Variants in CSNK2A1 observed in about 807,000 individuals in gnomAD.
CSNK2A1 encodes the protein casein kinase II subunit alpha.
A neutral mutation model predicts 62.9 loss-of-function variants in CSNK2A1; 10 were observed. The ratio of observed to expected loss-of-function variants is 0.16; its 90% CI spans 0.10 to 0.27. The LOEUF is 0.27. CSNK2A1 is among the 10% of genes least tolerant of loss of function. The probability of loss-of-function intolerance (pLI) is 1.00; values close to 1 mark genes in which losing one functional copy is unlikely to be tolerated. For missense variants in CSNK2A1, 160 were observed against 492.0 expected (o/e 0.33, Z 6.38); for synonymous variants, 124 against 167.8 (o/e 0.74, Z 2.02).
Position 499,167 on chromosome 20 carries a change from G to T in CSNK2A1, c.366+88C>A. The T allele has an allele frequency of 8.6e-7, 1 of 1,166,928 alleles. No individual in the cohort carries two copies. Among genetic ancestry groups the T allele is most frequent in the Non-Finnish European group, 1.2e-6 (1 of 863,846 alleles). 72.3% of individuals were successfully genotyped at this position (1,166,928 alleles called of 1,614,324 possible). On this transcript the variant is annotated intron_variant, in intron 6 of 13. Coordinates refer to ENST00000217244, the MANE Select transcript of CSNK2A1 (RefSeq NM_177559.3). The surrounding 1 kb of genome is among the most constrained non-coding windows in gnomAD (Gnocchi z 4.2). ...GATGAAAAGCTTTTTAAAAACAAAT[G>T]CGAAGCAAGCTCTTCTAACAGCATC...
chr20:541,392 T>A (rs1007188403), intron 1 of CSNK2A1, among the ~76,000 whole-genome samples: 1 of 152,212 alleles, frequency 6.6e-6, no homozygotes, highest in Non-Finnish European at 1.5e-5. Flanking sequence ...CCAAGTCCTA[T>A]GGAAGGGTTT....
At chr20:512,522 T>C (rs1440371150) in intron 2 of CSNK2A1, among the ~76,000 whole-genome samples, 1 of 152,336 alleles carries the variant, frequency 6.6e-6, no homozygotes, top group African/African-American at 2.4e-5. Flanking sequence ...TACCTCCTTA[T>C]GCCCATGGTG....
rs939857051 is a variant in CSNK2A1 at position 473,187 on chromosome 20, T to TGTGACC, written c.*10768_*10773dup. 1 of 152,412 alleles carries TGTGACC rather than the reference T, an allele frequency of 6.6e-6. No individual in the cohort carries two copies. Among genetic ancestry groups the TGTGACC allele is most frequent in the African/African-American group, 2.4e-5 (1 of 41,462 alleles). The allele number at this position is 152,412 out of a possible 1,614,324, so 9.4% of individuals were successfully genotyped here. ...CCTGCTCAGCTTTAGGTCCTCCCTT[T>TGTGACC]GTGACCCTCAGAAAGGGTCTTCTTC... On this transcript the variant is annotated 3_prime_UTR_variant, in exon 14 of 14. Transcript: ENST00000217244.
intron 9 of CSNK2A1, among the ~76,000 whole-genome samples, chr20:490,723 A>G (rs907784486): frequency 6.8e-4 from 96 of 140,258 alleles, no homozygotes; most frequent in African/African-American, 2.5e-3. Flanking sequence ...TTTTTTTTAA[A>G]GACACAGGGT....
At chr20:505,260 G>T in intron 3 of CSNK2A1, 31 bp from the exon 4 acceptor site, 1 of 1,529,710 alleles carries the variant, frequency 6.5e-7, no homozygotes, top group South Asian at 1.2e-5. Context: ...ACTTATAAAC[G>T]GTCAAATTAT....
rs756713610 is a variant in CSNK2A1, at chr20:474,629, A to G, written c.*9332T>C. On this transcript the variant is annotated 3_prime_UTR_variant, in exon 14 of 14. Coordinates refer to ENST00000217244, the MANE Select transcript of CSNK2A1 (RefSeq NM_177559.3). ...TTTAAAAAATCTCAAAATAACATGC[A>G]ACTGTTTGATTTTTCAGTTTTAGGC... 1.3e-5 allele frequency: 2 copies of G among 152,216 alleles called. No individual in the cohort carries two copies. The highest frequency in any genetic ancestry group is 2.9e-5 in the Non-Finnish European group (2 of 68,036). The allele number at this position is 152,216 out of a possible 1,614,324, so 9.4% of individuals were successfully genotyped here.
At chr20:530,752 G>T (rs2019196300) in intron 1 of CSNK2A1, among the ~76,000 whole-genome samples, 1 of 152,150 alleles carries the variant, frequency 6.6e-6, no homozygotes, top group Admixed American at 6.5e-5. Flanking sequence ...TGGGACTACA[G>T]TATGAGCCAC....
chr20:524,708 CAAAAAAAAAAAA>C (rs56228720), intron 2 of CSNK2A1, among the ~76,000 whole-genome samples: 2 of 83,174 alleles, frequency 2.4e-5, no homozygotes, highest in African/African-American at 8.9e-5. Context: ...GACTCCATCT[CAAAAAAAAAAAA>C]AAAAAAAAAA....
intron 2 of CSNK2A1, among the ~76,000 whole-genome samples, chr20:525,873 G>A (rs1300150798): frequency 6.7e-6 from 1 of 148,696 alleles, no homozygotes; most frequent in African/African-American, 2.5e-5. Context: ...AGGTGTGGTG[G>A]CATGCACCTG....
intron 2 of CSNK2A1, among the ~76,000 whole-genome samples, chr20:511,495 T>G (rs1435498444): frequency 6.6e-6 from 1 of 152,182 alleles, no homozygotes; most frequent in African/African-American, 2.4e-5. Flanking sequence ...ACACTAATTT[T>G]CCCTCCCCCA....
intron 2 of CSNK2A1, among the ~76,000 whole-genome samples, chr20:511,014 A>T (rs928323548): frequency 3.3e-5 from 5 of 152,068 alleles, no homozygotes; most frequent in Non-Finnish European, 7.3e-5. Context: ...GATCCACCAT[A>T]CCCAGCTTGT....
intron 2 of CSNK2A1, among the ~76,000 whole-genome samples, chr20:525,650 C>CAAAAAAAAAAAAAAAAA (rs59103809): frequency 1.6e-5 from 1 of 61,022 alleles, no homozygotes; most frequent in African/African-American, 5.5e-5. Context: ...GACTCCATCT[C>CAAAAAAAAAAAAAAAAA]AAAAAAAAAA....
chr20:529,592 T>C (rs1350166729), intron 1 of CSNK2A1, among the ~76,000 whole-genome samples: 2 of 152,132 alleles, frequency 1.3e-5, no homozygotes, highest in Non-Finnish European at 2.9e-5. Context: ...GTAAAGTGCT[T>C]CCTTTAAGTA....
At chr20:493,560 A>G (rs1428280600) in intron 8 of CSNK2A1, among the ~76,000 whole-genome samples, 1 of 152,230 alleles carries the variant, frequency 6.6e-6, no homozygotes, top group Admixed American at 6.5e-5. Flanking sequence ...AGTTTCCCCT[A>G]ATAGTAACAT....
At chr20:518,749 G>T (rs1394308378) in intron 2 of CSNK2A1, among the ~76,000 whole-genome samples, 1 of 138,586 alleles carries the variant, frequency 7.2e-6, no homozygotes, top group Non-Finnish European at 1.5e-5. Context: ...TAAAGACGGG[G>T]TTTCACCGTG....
chr20:513,435 T>C (rs2018765057), intron 2 of CSNK2A1, among the ~76,000 whole-genome samples: 2 of 152,190 alleles, frequency 1.3e-5, no homozygotes, highest in Non-Finnish European at 1.5e-5. Context: ...TACTATCCCC[T>C]AGCTCCTTAG....
chr20:540,580 G>A (rs773197791), intron 1 of CSNK2A1, among the ~76,000 whole-genome samples: 1 of 152,082 alleles, frequency 6.6e-6, no homozygotes, highest in Non-Finnish European at 1.5e-5. Context: ...TGCCACCCAG[G>A]CTGGAGTGCA....
At chr20:531,652 A>C (rs2019215640) in intron 1 of CSNK2A1, among the ~76,000 whole-genome samples, 1 of 152,204 alleles carries the variant, frequency 6.6e-6, no homozygotes, top group Non-Finnish European at 1.5e-5. Flanking sequence ...TGAGTTAGAC[A>C]AACAGAAACT....
In CSNK2A1 at chr20:482,977, G is replaced by A. The variant is rs2017984116; in HGVS notation, c.*984C>T. ...CGGTCGGAGGAAAAGAAGGTAGAAAGCTTAAAATGGAAGTCAGTGTGGCCA... is the reference window on the plus strand; with the variant it reads ...CGGTCGGAGGAAAAGAAGGTAGAAAACTTAAAATGGAAGTCAGTGTGGCCA... On this transcript the variant is annotated 3_prime_UTR_variant, in exon 14 of 14. Coordinates refer to ENST00000217244, the MANE Select transcript of CSNK2A1 (RefSeq NM_177559.3). 1 of 152,526 alleles carries A rather than the reference G, an allele frequency of 6.6e-6. No individual in the cohort carries two copies. Among genetic ancestry groups the A allele is most frequent in the Non-Finnish European group, 1.5e-5 (1 of 68,088 alleles). The allele number at this position is 152,526 out of a possible 1,614,324, so 9.4% of individuals were successfully genotyped here. A position where few individuals can be genotyped will look rare whatever the true frequency, so the allele number is the denominator to read the frequency against.
Sources: gnomAD v4.1 joint callset for allele counts (sites outside exome capture counted in the v4.1 genomes callset) on GRCh38, gnomAD v4.1.1 for gene constraint, Gnocchi (gnomAD v3.1) non-coding constraint, MANE v1.5 for transcripts, NCBI Gene and HGNC (gene_info 2026-07-23, HGNC 2026-07-21) for gene names.